The following NFAM1 variants were observed in gnomAD, a reference collection of about 807,000 sequenced individuals.
The protein encoded by NFAM1 is NFAT activating protein with ITAM motif 1.
In NFAM1, 17 loss-of-function variants were observed where a neutral mutation model predicts 29.0. The observed-to-expected ratio is 0.59, with a 90% CI of 0.40 to 0.88. NFAM1 has a LOEUF of 0.88. Ranked by LOEUF, NFAM1 falls within the 40% of genes least tolerant of loss-of-function variation. The pLI is 0.00. For missense variants in NFAM1, 324 were observed against 344.6 expected (o/e 0.94, Z 0.47); for synonymous variants, 175 against 147.2 (o/e 1.19, Z -1.36).
intron 3 of NFAM1, among the ~76,000 whole-genome samples, chr22:42,406,465 C>T (rs956797744): frequency 1.3e-5 from 2 of 152,166 alleles, no homozygotes; most frequent in East Asian, 1.9e-4. Context: ...ACTTCCCATC[C>T]GTCTACTCTC....
At chr22:42,428,720 T>A (rs1930704998) in intron 1 of NFAM1, among the ~76,000 whole-genome samples, 1 of 152,076 alleles carries the variant, frequency 6.6e-6, no homozygotes, top group Non-Finnish European at 1.5e-5. Context: ...TCCTTTTCAA[T>A]GGATATGTGA....
At chr22:42,390,567 A>G (rs1005668097) in intron 4 of NFAM1, among the ~76,000 whole-genome samples, 1 of 152,188 alleles carries the variant, frequency 6.6e-6, no homozygotes, top group Non-Finnish European at 1.5e-5. Context: ...CTGTAATCCC[A>G]GCACTTTGGG....
At chr22:42,429,632 T>A (rs1195877424) in intron 1 of NFAM1, among the ~76,000 whole-genome samples, 1 of 151,664 alleles carries the variant, frequency 6.6e-6, no homozygotes, top group African/African-American at 2.4e-5. Context: ...AATAAATAAA[T>A]AAAAAATCAA....
chr22:42,386,145 T>C (rs187908311), intron 5 of NFAM1, among the ~76,000 whole-genome samples: 1,636 of 151,752 alleles, frequency 0.011, 27 homozygotes, highest in African/African-American at 0.037. Context: ...GAGGCTGAGG[T>C]GGGTGAATCA....
intron 1 of NFAM1, among the ~76,000 whole-genome samples, chr22:42,424,570 C>T (rs1468927600): frequency 1.3e-5 from 2 of 152,222 alleles, no homozygotes; most frequent in Admixed American, 1.3e-4. Context: ...TATCTTTCTT[C>T]CCATCCCTTT....
intron 2 of NFAM1, among the ~76,000 whole-genome samples, chr22:42,410,973 C>A (rs1356591990): frequency 6.6e-6 from 1 of 151,892 alleles, no homozygotes; most frequent in Non-Finnish European, 1.5e-5. Context: ...GCCTGCTTTG[C>A]CAATGCTGGT....
At chr22:42,398,505 C>T (rs1012674271) in intron 3 of NFAM1, among the ~76,000 whole-genome samples, 2 of 151,618 alleles carry the variant, frequency 1.3e-5, no homozygotes, top group Non-Finnish European at 2.9e-5. Flanking sequence ...CTCTGCCTCC[C>T]GGGTTCAAGC....
intron 2 of NFAM1, among the ~76,000 whole-genome samples, chr22:42,410,733 A>T (rs928739322): frequency 6.6e-6 from 1 of 151,950 alleles, no homozygotes; most frequent in Non-Finnish European, 1.5e-5. Flanking sequence ...ACATGAGCCA[A>T]GTGCTCACAT....
At chr22:42,421,065 G>A (rs1930427804) in intron 1 of NFAM1, among the ~76,000 whole-genome samples, 1 of 152,224 alleles carries the variant, frequency 6.6e-6, no homozygotes, top group Non-Finnish European at 1.5e-5. Flanking sequence ...AGCCAGTGCT[G>A]CAGAGGGCCA....
intron 1 of NFAM1, among the ~76,000 whole-genome samples, chr22:42,415,727 GC>G (rs1930240734): frequency 6.6e-6 from 1 of 152,204 alleles, no homozygotes. Context: ...AGAGGTCTAG[GC>G]CCTAGTTGGC....
At chr22:42,417,448 G>A (rs1248511309) in intron 1 of NFAM1, among the ~76,000 whole-genome samples, 2 of 152,200 alleles carry the variant, frequency 1.3e-5, no homozygotes, top group Admixed American at 6.5e-5. Context: ...GTCCTGGGGC[G>A]CAGGGAGGAA....
chr22:42,415,295 T>C (rs1045600047), intron 1 of NFAM1, among the ~76,000 whole-genome samples: 31 of 44,008 alleles, frequency 7.0e-4, no homozygotes, highest in African/African-American at 5.1e-3. Flanking sequence ...TCTTTCTTTC[T>C]TTTTTTTTTT....
At chr22:42,389,659 G>T (rs528605831) in intron 4 of NFAM1, among the ~76,000 whole-genome samples, 2,367 of 145,590 alleles carry the variant, frequency 0.016, 63 homozygotes, top group African/African-American at 0.057. Flanking sequence ...GGCTGGGCTG[G>T]GTGTTGGGGG....
chr22:42,389,691 G>T (rs1929270381), intron 4 of NFAM1, among the ~76,000 whole-genome samples: 1 of 148,436 alleles, frequency 6.7e-6, no homozygotes, highest in Non-Finnish European at 1.5e-5. Context: ...GGCTGGGCTG[G>T]GCTGGGGGCT....
chr22:42,414,425 G>A (rs1930192104), intron 1 of NFAM1, among the ~76,000 whole-genome samples: 2 of 151,994 alleles, frequency 1.3e-5, no homozygotes, highest in Admixed American at 1.3e-4. Flanking sequence ...TATAGAGATG[G>A]GGGCTGTTAT....
intron 1 of NFAM1, among the ~76,000 whole-genome samples, chr22:42,422,590 ACT>A (rs747462292): frequency 7.2e-5 from 11 of 151,922 alleles, no homozygotes; most frequent in Non-Finnish European, 1.3e-4. Context: ...ACAGAGTGAG[ACT>A]CTGTCTCAAA....
intron 1 of NFAM1, among the ~76,000 whole-genome samples, chr22:42,418,709 C>T (rs1930340444): frequency 6.6e-6 from 1 of 151,398 alleles, no homozygotes; most frequent in Non-Finnish European, 1.5e-5. Context: ...TTTTAAAAGG[C>T]AAATGCCAGC....
the NFAM1 span, among the ~76,000 whole-genome samples, chr22:42,437,577 A>G: frequency 6.6e-6 from 1 of 152,168 alleles, no homozygotes; most frequent in African/African-American, 2.4e-5. Flanking sequence ...CAGAGCCACC[A>G]AGTCCCCCAC....
intron 3 of NFAM1, among the ~76,000 whole-genome samples, chr22:42,407,901 CTCT>C (rs1929953123): frequency 7.6e-6 from 1 of 132,360 alleles, no homozygotes; most frequent in African/African-American, 3.0e-5. Context: ...AGACAGATTT[CTCT>C]TTTTTTTTTT....
Sources: allele counts gnomAD v4.1 joint callset (sites outside exome capture counted in the v4.1 genomes callset), GRCh38; gene constraint gnomAD v4.1.1; transcripts MANE v1.5; gene names NCBI Gene and HGNC (gene_info 2026-07-23, HGNC 2026-07-21).